Variants in CAST observed in about 807,000 individuals in gnomAD.
CAST encodes the protein MIR583 host.
CAST carries 76 observed loss-of-function variants against 119.6 expected under a neutral mutation model. That is an observed-to-expected ratio of 0.64 (90% CI 0.53 to 0.77). The LOEUF is 0.77. Ranked by LOEUF, CAST falls within the 30% of genes least tolerant of loss-of-function variation. CAST has a pLI of 0.00. For missense variants in CAST, 953 were observed against 946.5 expected, an observed-to-expected ratio of 1.01 and a Z score of -0.09; for synonymous variants, 319 against 331.6, an observed-to-expected ratio of 0.96 and a Z score of 0.41.
At chr5:96,033,460 CA>C in the CAST span, among the ~76,000 whole-genome samples, 1 of 151,930 alleles carries the variant, frequency 6.6e-6, no homozygotes, top group Non-Finnish European at 1.5e-5. Context: ...ACATATTGAC[CA>C]GTGAAATGGA....
chr5:96,493,837 C>G, the CAST span, among the ~76,000 whole-genome samples: 1 of 152,076 alleles, frequency 6.6e-6, no homozygotes, highest in Non-Finnish European at 1.5e-5. Context: ...GAGTTCGAGA[C>G]CAGGCTGGCC....
At chr5:96,579,928 A>G (rs1746741349) in intron 1 of CAST, among the ~76,000 whole-genome samples, 1 of 152,374 alleles carries the variant, frequency 6.6e-6, no homozygotes, top group East Asian at 1.9e-4. Flanking sequence ...TGGGGCAATA[A>G]CACAGTCCTA....
chr5:96,431,378 C>A, the CAST span, among the ~76,000 whole-genome samples: 2 of 152,184 alleles, frequency 1.3e-5, 1 homozygote, highest in South Asian at 4.1e-4. Flanking sequence ...TTTTCATTCA[C>A]CCCTCCCGAA....
the CAST span, chr5:95,973,266 T>G: frequency 5.6e-6 from 1 of 178,162 alleles, no homozygotes; most frequent in Non-Finnish European, 1.2e-5. Flanking sequence ...ACTGTGTTGG[T>G]TTCAGAGTGC....
At chr5:96,281,020 G>A in the CAST span, among the ~76,000 whole-genome samples, 1 of 152,182 alleles carries the variant, frequency 6.6e-6, no homozygotes, top group Non-Finnish European at 1.5e-5. Context: ...GGAATAATGT[G>A]GATGATAATG....
the CAST span, among the ~76,000 whole-genome samples, chr5:96,333,842 C>A: frequency 4.6e-5 from 7 of 152,260 alleles, no homozygotes; most frequent in African/African-American, 1.7e-4. Context: ...CAACCCTTAG[C>A]CTCTCTGAGC....
At chr5:96,012,152 A>G in the CAST span, among the ~76,000 whole-genome samples, 1 of 152,216 alleles carries the variant, frequency 6.6e-6, no homozygotes, top group African/African-American at 2.4e-5. Flanking sequence ...TTCTATGAAT[A>G]AAATCTGTCC....
the CAST span, among the ~76,000 whole-genome samples, chr5:96,284,506 T>G: frequency 6.6e-6 from 1 of 152,228 alleles, no homozygotes; most frequent in Non-Finnish European, 1.5e-5. Context: ...TCCCAGGGAC[T>G]GCCTCTAAGT....
chr5:96,386,951 CA>C, the CAST span, among the ~76,000 whole-genome samples: 3 of 152,132 alleles, frequency 2.0e-5, no homozygotes, highest in African/African-American at 7.2e-5. Context: ...GGCAACAGAG[CA>C]AAACTCCATC....
At chr5:96,008,909 G>T in the CAST span, among the ~76,000 whole-genome samples, 1 of 152,152 alleles carries the variant, frequency 6.6e-6, no homozygotes, top group Non-Finnish European at 1.5e-5. Context: ...TTTGGAGTAT[G>T]GATCCCATCA....
the CAST span, among the ~76,000 whole-genome samples, chr5:96,426,517 C>G: frequency 6.6e-6 from 1 of 152,180 alleles, no homozygotes; most frequent in South Asian, 2.1e-4. Flanking sequence ...ATGAGCACTA[C>G]TGACCACGCA....
the CAST span, among the ~76,000 whole-genome samples, chr5:96,297,878 T>C: frequency 6.6e-6 from 1 of 152,154 alleles, no homozygotes. Flanking sequence ...AATTTCTAAA[T>C]AGAATGCTTG....
the CAST span, among the ~76,000 whole-genome samples, chr5:96,055,663 A>G: frequency 6.6e-6 from 1 of 152,198 alleles, no homozygotes; most frequent in Non-Finnish European, 1.5e-5. Context: ...CCTTTTGTGA[A>G]TATAGATGAA....
At chr5:96,033,635 TA>T in the CAST span, among the ~76,000 whole-genome samples, 950 of 152,130 alleles carry the variant, frequency 6.2e-3, 4 homozygotes, top group African/African-American at 0.022. Flanking sequence ...TCATACCATA[TA>T]AAAAAATCAA....
the CAST span, among the ~76,000 whole-genome samples, chr5:96,292,015 G>T: frequency 6.6e-6 from 1 of 152,048 alleles, no homozygotes; most frequent in Non-Finnish European, 1.5e-5. Flanking sequence ...GAACAATTCA[G>T]ACTTTTGTGC....
At chr5:96,651,467 G>A (rs980490714) in intron 1 of CAST, among the ~76,000 whole-genome samples, 33 of 152,204 alleles carry the variant, frequency 2.2e-4, no homozygotes, top group African/African-American at 7.7e-4. Flanking sequence ...GATAGATGTT[G>A]TATGTCTTGA....
At chr5:96,675,275 C>G (rs764263317) in intron 1 of CAST, among the ~76,000 whole-genome samples, 1 of 152,126 alleles carries the variant, frequency 6.6e-6, no homozygotes, top group Non-Finnish European at 1.5e-5. Context: ...AGGCATTTTG[C>G]AGGAGACAAG....
rs1746624983 is a variant in CAST, at chr5:96,574,106, G to A, written c.60+44226G>A. Among the ~76,000 whole-genome samples, 2 of 4,166 alleles carry A rather than the reference G, an allele frequency of 4.8e-4. 1 individual carries two copies. The highest frequency in any genetic ancestry group is 6.3e-4 in the Non-Finnish European group (2 of 3,172). The allele number at this position is 4,166 out of a possible 152,430, so 2.7% of individuals were successfully genotyped here. On this transcript the variant is annotated intron_variant, in intron 1 of 11. Transcript: ENST00000505143. ...CGCTCTGTCGCCCAGGCCGGACTGC[G>A]GACTGCAGTGGCGCAATCTCGGCTC...
intron 1 of CAST, among the ~76,000 whole-genome samples, chr5:96,615,369 C>T (rs1211912890): frequency 6.6e-6 from 1 of 152,230 alleles, no homozygotes; most frequent in Admixed American, 6.5e-5. Context: ...TCACTTCCTC[C>T]TCTCCCCTTA....
Sources: allele counts gnomAD v4.1 joint callset (sites outside exome capture counted in the v4.1 genomes callset), GRCh38; gene constraint gnomAD v4.1.1; transcripts MANE v1.5; gene names NCBI Gene and HGNC (gene_info 2026-07-23, HGNC 2026-07-21).